TUG1: variants seen among roughly 807,000 people sequenced by gnomAD.
The protein encoded by TUG1 is taurine up-regulated 1, also known as taurine upregulated gene 1.
At chr22:30,971,498 T>A (rs1238203528) in exon 1 of TUG1, 1 of 152,638 alleles carries the variant, frequency 6.6e-6, no homozygotes, top group Non-Finnish European at 1.5e-5. Flanking sequence ...CTGCAATAGT[T>A]GGAGCAGATA....
exon 3 of TUG1, chr22:30,978,048 G>A (rs2041309766): frequency 6.6e-6 from 1 of 152,166 alleles, no homozygotes; most frequent in South Asian, 2.1e-4. Flanking sequence ...CGATTCACCA[G>A]TACACACAGA....
chr22:30,972,422 AG>A (rs1265977971), intron 1 of TUG1: 2 of 152,238 alleles, frequency 1.3e-5, no homozygotes, highest in Non-Finnish European at 2.9e-5. Context: ...TAAAAGGAGA[AG>A]GTCATAAGAC....
chr22:30,976,649 G>A (rs2041290726), exon 3 of TUG1: 1 of 152,188 alleles, frequency 6.6e-6, no homozygotes, highest in Admixed American at 6.5e-5. Flanking sequence ...TCAGCAGGAA[G>A]GATTCAGTTT....
rs2041228817 is a variant in TUG1 at position 30,971,407 on chromosome 22, A to G, written c.*1589A>G. 3 of 152,644 alleles carry G rather than the reference A, an allele frequency of 2.0e-5. No homozygotes were observed. The South Asian group carries it at 6.2e-4, about 32-fold the overall frequency. 9.5% of individuals were successfully genotyped at this position (152,644 alleles called of 1,614,324 possible). On this transcript the variant is annotated 3_prime_UTR_variant, in exon 1 of 3. Coordinates refer to ENST00000644773, the Ensembl canonical transcript of TUG1. The stretch of plus-strand genomic sequence containing the variant: ...CAGCAGAAAGGAGGGAAAAAAAACA[A>G]CTGGAACTCAAAGCTTGAAATTCTG...
exon 2 of TUG1, chr22:30,973,491 C>A (rs2041253651): frequency 6.6e-6 from 1 of 152,180 alleles, no homozygotes; most frequent in South Asian, 2.1e-4. Context: ...GAACTTTTTA[C>A]ACAAATGTAA....
exon 1 of TUG1, chr22:30,969,839 G>A (rs756780943): frequency 6.6e-6 from 1 of 152,244 alleles, no homozygotes; most frequent in South Asian, 2.1e-4. Flanking sequence ...GAGCTCTGGC[G>A]GCAGCCCCGG....
chr22:30,969,953 G>C (rs1035706379), exon 1 of TUG1: 1 of 152,234 alleles, frequency 6.6e-6, no homozygotes, highest in Non-Finnish European at 1.5e-5. Context: ...ATTTGTCTGC[G>C]CCTCAGTTTC....
chr22:30,974,728 A>G (rs183683805), intron 2 of TUG1: 9 of 152,360 alleles, frequency 5.9e-5, no homozygotes, highest in Non-Finnish European at 1.0e-4. Flanking sequence ...GATAAATTCC[A>G]TGACATTTAG....
chr22:30,974,511 C>A (rs1040398865), intron 2 of TUG1: 4 of 152,182 alleles, frequency 2.6e-5, no homozygotes, highest in African/African-American at 9.7e-5. Flanking sequence ...TGATTGCCAG[C>A]AGATTGCCCT....
At chr22:30,973,064 T>TG (rs1169177569) in exon 2 of TUG1, 4 of 152,758 alleles carry the variant, frequency 2.6e-5, no homozygotes, top group Admixed American at 1.3e-4. Context: ...ACTCCTGTCT[T>TG]GTTCTACCCA....
At chr22:30,974,175 T>TG (rs2041261141) in intron 2 of TUG1, 1 of 151,478 alleles carries the variant, frequency 6.6e-6, no homozygotes, top group African/African-American at 2.4e-5. Flanking sequence ...AAAGTCAGTA[T>TG]TGTGTGTGTG....
chr22:30,974,233 A>G (rs1050969025), intron 2 of TUG1: 1 of 152,060 alleles, frequency 6.6e-6, no homozygotes. Context: ...GTAAGATAGT[A>G]AAGTATGTAA....
exon 3 of TUG1, chr22:30,979,189 A>G (rs537543770): frequency 6.6e-6 from 1 of 152,350 alleles, no homozygotes; most frequent in East Asian, 1.9e-4. Context: ...AGGTGAAACA[A>G]GTTATTAATA....
At chr22:30,976,419 T>C (rs543347601) in exon 3 of TUG1, 1 of 152,338 alleles carries the variant, frequency 6.6e-6, no homozygotes, top group Admixed American at 6.5e-5. Context: ...CCTACCTTTT[T>C]GCTGGAAACA....
chr22:30,970,736 G>A (rs2041220587), exon 1 of TUG1: 1 of 152,212 alleles, frequency 6.6e-6, no homozygotes, highest in African/African-American at 2.4e-5. Context: ...GGTGCTGCCA[G>A]CCCAGCTAAT....
chr22:30,975,813 G>T (rs1287397153), exon 3 of TUG1: 1 of 152,130 alleles, frequency 6.6e-6, no homozygotes, highest in Non-Finnish European at 1.5e-5. Context: ...GCCTCATTGA[G>T]GCCATATTAG....
chr22:30,974,813 G>C (rs2041270000), intron 2 of TUG1: 1 of 152,182 alleles, frequency 6.6e-6, no homozygotes, highest in African/African-American at 2.4e-5. Context: ...GGGTTAAGGA[G>C]GTTGGGAAGG....
At chr22:30,976,078 A>C (rs980509712) in exon 3 of TUG1, 2 of 152,076 alleles carry the variant, frequency 1.3e-5, no homozygotes, top group Admixed American at 6.6e-5. Flanking sequence ...AAAAAAAAAA[A>C]AAAGGCTGAA....
At position 30,973,599 on chromosome 22, in the gene TUG1, A is replaced by G. The variant is rs1038985524; in HGVS notation, c.*2694+12A>G. On this transcript the variant is annotated intron_variant, in intron 2 of 2. Coordinates refer to ENST00000644773, the Ensembl canonical transcript of TUG1. ...CTTGATACATCAAGGTAGAACCTCT[A>G]TGGTAAATCCCTCTGTTTATAATGC... The G allele has an allele frequency of 2.6e-5, 4 of 152,240 alleles. No homozygotes were observed. Among genetic ancestry groups the G allele is most frequent in the Non-Finnish European group, 4.4e-5 (3 of 68,040 alleles). The allele number at this position is 152,240 out of a possible 1,614,324, so 9.4% of individuals were successfully genotyped here. A position where few individuals can be genotyped will look rare whatever the true frequency, so the allele number is the denominator to read the frequency against.
Sources: allele counts gnomAD v4.1 joint callset, GRCh38; gene constraint gnomAD v4.1.1; transcripts MANE v1.5; gene names NCBI Gene and HGNC (gene_info 2026-07-23, HGNC 2026-07-21).